Variants in DUOX1 observed in about 807,000 individuals in gnomAD.
DUOX1 encodes the protein dual oxidase 1, also known as NADPH thyroid oxidase 1.
A neutral mutation model predicts 181.8 loss-of-function variants in DUOX1; 134 were observed. The observed-to-expected ratio is 0.74, with a 90% CI of 0.64 to 0.85. The LOEUF (loss-of-function observed/expected upper bound fraction) is 0.85, where lower values mean the gene tolerates loss of function less well. Among genes scored for constraint, DUOX1 ranks in the 40% least tolerant of loss-of-function variants. DUOX1 has a pLI of 0.00. For missense variants in DUOX1, 1,814 were observed against 2,064.4 expected (o/e 0.88, Z 2.35); for synonymous variants, 798 against 832.5 (o/e 0.96, Z 0.71).
chr15:45,164,022 A>C (rs1015595524), intron 33 of DUOX1, 104 bp downstream of exon 33: 24 of 1,508,342 alleles, frequency 1.6e-5, no homozygotes, highest in Non-Finnish European at 2.2e-5. Context: ...GCTGATGAGA[A>C]CCCATCCCCT....
intron 29 of DUOX1, 43 bp downstream of exon 29, chr15:45,161,033 C>G: frequency 3.1e-6 from 5 of 1,612,496 alleles, no homozygotes; most frequent in Non-Finnish European, 4.2e-6. Flanking sequence ...ACTGAGGGAG[C>G]TGACCGGGCA....
At chr15:45,142,790 AGGG>A (rs59630952) in intron 15 of DUOX1, among the ~76,000 whole-genome samples, 53,802 of 146,636 alleles carry the variant, frequency 0.37, 10,844 homozygotes, top group Non-Finnish European at 0.44. Context: ...GAAGGAAGGG[AGGG>A]AGGAAGGGAG....
chr15:45,136,269 G>C, intron 7 of DUOX1, 81 bp from the exon 8 acceptor site: 1 of 1,601,994 alleles, frequency 6.2e-7, no homozygotes, highest in Non-Finnish European at 8.5e-7. Context: ...ATCTCCACAC[G>C]GAAGCCGTCC....
intron 24 of DUOX1, 105 bp downstream of exon 24, chr15:45,152,157 A>T (rs1163353854): frequency 6.7e-7 from 1 of 1,487,938 alleles, no homozygotes; most frequent in African/African-American, 1.4e-5. Flanking sequence ...GGGTAAGTGG[A>T]GCCTGTCTGA....
intron 33 of DUOX1, 113 bp downstream of exon 33, chr15:45,164,031 C>G: frequency 6.8e-7 from 1 of 1,460,972 alleles, no homozygotes; most frequent in Non-Finnish European, 9.3e-7. Flanking sequence ...AACCCATCCC[C>G]TGGGAGATTG....
At chr15:45,131,123 T>C (rs1397198892) in intron 1 of DUOX1, among the ~76,000 whole-genome samples, 1 of 152,204 alleles carries the variant, frequency 6.6e-6, no homozygotes, top group Non-Finnish European at 1.5e-5. Flanking sequence ...CCTGAGCTCC[T>C]TTCTTCCTCT....
chr15:45,139,261 G>C, intron 11 of DUOX1, 93 bp downstream of exon 11: 9 of 1,606,490 alleles, frequency 5.6e-6, no homozygotes, highest in Non-Finnish European at 7.6e-6. Context: ...GGGGGTGCCT[G>C]GGGCTGGGAG....
rs200940080 is a variant in DUOX1 at position 45,155,771 on chromosome 15, T to G, written c.3575-31T>G. The G allele has an allele frequency of 2.8e-4, 455 of 1,612,608 alleles. 3 individuals carry two copies. The African/African-American group carries it at 4.6e-3, about 16-fold the overall frequency. On this transcript the variant is annotated intron_variant, in intron 27 of 33. Coordinates refer to ENST00000389037, the MANE Select transcript of DUOX1 (RefSeq NM_175940.3). ...ACAGTTCCCTTTCAAGGCACTGATC[T>G]TCTGCCTTCCACCCTATATTCATTT...
intron 22 of DUOX1, 133 bp from the exon 23 acceptor site, chr15:45,150,990 T>C: frequency 2.3e-6 from 3 of 1,301,050 alleles, no homozygotes; most frequent in Non-Finnish European, 3.2e-6. Flanking sequence ...TAGGTGACTG[T>C]GGGAATCCTG....
intron 25 of DUOX1, chr15:45,152,895 G>T: frequency 2.7e-6 from 1 of 371,740 alleles, no homozygotes; most frequent in Non-Finnish European, 5.0e-6. Context: ...TGTGTCTGTG[G>T]GGTGTTGGGT....
In DUOX1 at chr15:45,135,663, C is replaced by T. The variant is rs1896290789; in HGVS notation, c.685C>T (p.Arg229Trp). The change falls in exon 6 of 34, where the codon CGG becomes TGG. Residue 229 changes from arginine to tryptophan, a missense_variant. By Grantham distance (101) the Arg-to-Trp change is moderately radical (BLOSUM62 -3). Transcript: ENST00000389037. ...CCCCGCCACCGGGCAGAACGGGCCC[C>T]GGGGGCTGTACGGTGAGGCCACAGG... ...PDPATGQNGPRGLYAFGAERG... is the reference protein window; with the variant it reads ...PDPATGQNGPWGLYAFGAERG... 18 of 1,499,278 alleles carry T rather than the reference C, an allele frequency of 1.2e-5. No individual in the cohort carries two copies. The highest frequency in any genetic ancestry group is 2.8e-5 in the African/African-American group (2 of 71,920). The allele number at this position is 1,499,278 out of a possible 1,614,324, so 92.9% of individuals were successfully genotyped here. A position where few individuals can be genotyped will look rare whatever the true frequency, so the allele number is the denominator to read the frequency against.
At position 45,163,860 on chromosome 15, in the gene DUOX1, A is replaced by G; in HGVS notation, c.4475A>G (p.His1492Arg). ...SLFTGLRSITHFGRPPFEPFF... is the reference protein window; with the variant it reads ...SLFTGLRSITRFGRPPFEPFF... ...TTCACAGGCCTGCGCTCCATCACCC[A>G]CTTTGGCCGTCCCCCCTTTGAGCCC... Residue 1492 changes from histidine to arginine, a missense_variant, in exon 33 of 34, where the codon CAC becomes CGC. By Grantham distance (29) the His-to-Arg change is conservative (BLOSUM62 0). Around this residue, in one of 5 missense-constraint regions of DUOX1, gnomAD observed 124 missense variants for 125.7 expected, o/e 0.99. Transcript: ENST00000389037. 1 of 1,613,960 alleles carries G rather than the reference A, an allele frequency of 6.2e-7. No individual in the cohort carries two copies.
At chr15:45,141,895 G>A in intron 14 of DUOX1, 80 bp from the exon 15 acceptor site, 1 of 1,502,774 alleles carries the variant, frequency 6.7e-7, no homozygotes. Flanking sequence ...CCCCCTTTCT[G>A]CCACCCTAAC....
Position 45,135,514 on chromosome 15 carries a change from A to G in DUOX1, c.536A>G (p.Tyr179Cys), listed in dbSNP as rs1295273998. 6 of 1,559,494 alleles carry G rather than the reference A, an allele frequency of 3.8e-6. No homozygotes were observed. Among genetic ancestry groups the G allele is most frequent in the Admixed American group, 1.9e-5 (1 of 52,602 alleles). Reference sequence around the variant, plus strand: ...GGCTGGCTGGACGGCAGCGCCATCTATGGTTCCTCGCATTCCTGGAGCGAC... The same window carrying G: ...GGCTGGCTGGACGGCAGCGCCATCTGTGGTTCCTCGCATTCCTGGAGCGAC... The part of the protein sequence containing the change: ...VTGWLDGSAI[Y>C]GSSHSWSDAL... Residue 179 changes from tyrosine (Y) to cysteine (C), a missense_variant, in exon 6 of 34, where the codon TAT becomes TGT. Coordinates refer to ENST00000389037, the MANE Select transcript of DUOX1 (RefSeq NM_175940.3).
intron 21 of DUOX1, among the ~76,000 whole-genome samples, chr15:45,148,995 C>G (rs1309621184): frequency 6.6e-6 from 1 of 152,138 alleles, no homozygotes; most frequent in African/African-American, 2.4e-5. Flanking sequence ...AGACCCAGTT[C>G]TGTTGTCCTT....
At chr15:45,142,223 T>G in intron 15 of DUOX1, 111 bp downstream of exon 15, 1 of 1,255,150 alleles carries the variant, frequency 8.0e-7, no homozygotes, top group Non-Finnish European at 1.1e-6. Flanking sequence ...GCATGGTCCC[T>G]TTGGGTAGGA....
chr15:45,148,021 A>G, intron 20 of DUOX1, 24 bp downstream of exon 20: 1 of 1,594,606 alleles, frequency 6.3e-7, no homozygotes, highest in Non-Finnish European at 8.6e-7. Context: ...GACAGCCAGG[A>G]GAATGGGCCA....
At position 45,160,958 on chromosome 15, in the gene DUOX1, T is replaced by A. The variant is rs746509873; in HGVS notation, c.3824T>A (p.Ile1275Asn). 1 of 1,614,082 alleles carries A rather than the reference T, an allele frequency of 6.2e-7. No homozygotes were observed. The highest frequency in any genetic ancestry group is 1.1e-5 in the South Asian group (1 of 91,066). Residue 1275 changes from isoleucine (I) to asparagine (N), a missense_variant, in exon 29 of 34, where the codon ATC becomes AAC. Coordinates refer to ENST00000389037, the MANE Select transcript of DUOX1 (RefSeq NM_175940.3). ...AGCCTGAGCCGGAAGAAGGTGGAGATCAGCGTGGTGAAGGCGGAGCTGCTG... is the reference window on the plus strand; with the variant it reads ...AGCCTGAGCCGGAAGAAGGTGGAGAACAGCGTGGTGAAGGCGGAGCTGCTG... Reference protein sequence around the residue: ...LVSLSRKKVEISVVKAELLPS... With the variant: ...LVSLSRKKVENSVVKAELLPS...
intron 28 of DUOX1, among the ~76,000 whole-genome samples, chr15:45,157,442 C>A (rs556053942): frequency 6.6e-6 from 1 of 152,206 alleles, no homozygotes; most frequent in South Asian, 2.1e-4. Flanking sequence ...CTCCCTAAGA[C>A]CCAGAGCCCT....
Sources: allele counts gnomAD v4.1 joint callset (sites outside exome capture counted in the v4.1 genomes callset), GRCh38; gene constraint gnomAD v4.1.1; regional missense constraint gnomAD v4.1.1; transcripts MANE v1.5; gene names NCBI Gene and HGNC (gene_info 2026-07-23, HGNC 2026-07-21).